The following ZNF609 variants were observed in gnomAD, a reference collection of about 807,000 sequenced individuals.
ZNF609 encodes the protein zinc finger protein 609.
A neutral mutation model predicts 109.5 loss-of-function variants in ZNF609; 11 were observed. That is an observed-to-expected ratio of 0.10 (90% CI 0.06 to 0.17). The LOEUF (loss-of-function observed/expected upper bound fraction) is 0.17. Ranked by LOEUF, ZNF609 falls within the 10% of genes least tolerant of loss-of-function variation. The pLI is 1.00. For missense variants in ZNF609, 1,559 were observed against 1,772.4 expected (o/e 0.88, Z 2.16); for synonymous variants, 646 against 662.0 (o/e 0.98, Z 0.37).
chr15:64,477,104 A>G (rs1195570229), intron 1 of ZNF609, among the ~76,000 whole-genome samples: 1 of 102,054 alleles, frequency 9.8e-6, no homozygotes, highest in African/African-American at 3.6e-5. Flanking sequence ...TTGTAAATTT[A>G]TTTGTTTATT....
intron 3 of ZNF609, among the ~76,000 whole-genome samples, chr15:64,646,735 T>A (rs902347915): frequency 6.6e-6 from 1 of 150,746 alleles, no homozygotes; most frequent in Non-Finnish European, 1.5e-5. Flanking sequence ...GGTCAGGAGT[T>A]CGAGACCAGC....
At chr15:64,633,257 C>A (rs913650852) in intron 3 of ZNF609, among the ~76,000 whole-genome samples, 1 of 152,062 alleles carries the variant, frequency 6.6e-6, no homozygotes, top group Non-Finnish European at 1.5e-5. Context: ...AAGTAATCCT[C>A]CCACCTCAAC....
At chr15:64,592,055 G>A (rs1895308223) in intron 2 of ZNF609, among the ~76,000 whole-genome samples, 1 of 151,746 alleles carries the variant, frequency 6.6e-6, no homozygotes, top group Admixed American at 6.6e-5. Context: ...CAGCTACTTG[G>A]CAGACTGAGA....
chr15:64,677,638 C>T (rs1249497474), intron 5 of ZNF609, among the ~76,000 whole-genome samples: 1 of 152,174 alleles, frequency 6.6e-6, no homozygotes, highest in Non-Finnish European at 1.5e-5. Context: ...CTTGGAATCT[C>T]ATATCTTGCT....
At chr15:64,539,257 G>C (rs1437913773) in intron 2 of ZNF609, among the ~76,000 whole-genome samples, 1 of 151,396 alleles carries the variant, frequency 6.6e-6, no homozygotes, top group Non-Finnish European at 1.5e-5. Context: ...GCCCAGGCTG[G>C]AGTGCAGTGG....
At chr15:64,464,108 A>C (rs1892978867) in intron 1 of ZNF609, among the ~76,000 whole-genome samples, 1 of 152,152 alleles carries the variant, frequency 6.6e-6, no homozygotes, top group South Asian at 2.1e-4. Context: ...TGGACAGATT[A>C]GTGCTTATTT....
chr15:64,531,047 C>T (rs1248295059), intron 2 of ZNF609, among the ~76,000 whole-genome samples: 1 of 152,112 alleles, frequency 6.6e-6, no homozygotes, highest in Non-Finnish European at 1.5e-5. Flanking sequence ...TATATCATTC[C>T]ACTTAACATA....
At chr15:64,630,048 C>T (rs1308643554) in intron 3 of ZNF609, among the ~76,000 whole-genome samples, 1 of 150,808 alleles carries the variant, frequency 6.6e-6, no homozygotes, top group Non-Finnish European at 1.5e-5. Flanking sequence ...CTTTCCTTCT[C>T]TGTTTCTCTT....
intron 2 of ZNF609, among the ~76,000 whole-genome samples, chr15:64,551,934 C>A (rs753949285): frequency 2.1e-5 from 3 of 142,350 alleles, no homozygotes; most frequent in East Asian, 3.9e-4. Flanking sequence ...TGCAGTGAGC[C>A]GAGGTCGCAC....
At chr15:64,572,494 C>T (rs1204120976) in intron 2 of ZNF609, among the ~76,000 whole-genome samples, 1 of 152,158 alleles carries the variant, frequency 6.6e-6, no homozygotes, top group Non-Finnish European at 1.5e-5. Context: ...TTTTGGTTGT[C>T]TCTCCCACAA....
At chr15:64,581,401 T>C (rs1455383433) in intron 2 of ZNF609, among the ~76,000 whole-genome samples, 1 of 152,112 alleles carries the variant, frequency 6.6e-6, no homozygotes, top group African/African-American at 2.4e-5. Flanking sequence ...CCTGTGAACA[T>C]GTCCTTCCCC....
intron 2 of ZNF609, among the ~76,000 whole-genome samples, chr15:64,528,194 T>G (rs1893998701): frequency 6.6e-6 from 1 of 151,174 alleles, no homozygotes; most frequent in South Asian, 2.1e-4. Context: ...ACCTCCTGGG[T>G]TCAAGCGATT....
intron 2 of ZNF609, among the ~76,000 whole-genome samples, chr15:64,525,839 A>G (rs1470159165): frequency 6.6e-6 from 1 of 151,468 alleles, no homozygotes; most frequent in Non-Finnish European, 1.5e-5. Context: ...GCAGGGGTAC[A>G]GTGGCACAGT....
chr15:64,469,766 C>G lies in ZNF609; in HGVS notation c.-128+8928C>G, dbSNP rs145826880. 6.2e-3 allele frequency among the ~76,000 whole-genome samples: 937 copies of G among 152,136 alleles called. 5 individuals carry two copies. Among genetic ancestry groups the G allele is most frequent in the Middle Eastern group, 0.024 (7 of 292 alleles). On this transcript the variant is annotated intron_variant, in intron 1 of 9. Transcript: ENST00000326648. ...AAGGCTGGCCTGGCTTGGTGGCTCACGCCTGTAATCCTAGCACTTTGGGAG... is the reference window on the plus strand; with the variant it reads ...AAGGCTGGCCTGGCTTGGTGGCTCAGGCCTGTAATCCTAGCACTTTGGGAG...
At chr15:64,502,738 A>G (rs1420325249) in intron 2 of ZNF609, 2 of 152,252 alleles carry the variant, frequency 1.3e-5, no homozygotes, top group African/African-American at 4.8e-5. Flanking sequence ...GCAGAGTAGC[A>G]GTGTTGACTA....
chr15:64,547,461 T>A (rs1020857373), intron 2 of ZNF609, among the ~76,000 whole-genome samples: 13 of 152,222 alleles, frequency 8.5e-5, no homozygotes, highest in Non-Finnish European at 1.8e-4. Flanking sequence ...AATAATTCTA[T>A]GTAGAATTGA....
In ZNF609 at chr15:64,602,014, T is replaced by C. The variant is rs1895504947; in HGVS notation, c.748-20813T>C. Reference sequence around the variant, plus strand: ...TCTGTTTATTTTCTATCAAAAAAGCTATCATTTACTTCAAAGGAGTGTTAT... The same window carrying C: ...TCTGTTTATTTTCTATCAAAAAAGCCATCATTTACTTCAAAGGAGTGTTAT... On this transcript the variant is annotated intron_variant, in intron 2 of 9. Transcript: ENST00000326648. Among the ~76,000 whole-genome samples, 4 of 152,278 alleles carry C rather than the reference T, an allele frequency of 2.6e-5. No homozygotes were observed. In the South Asian group the frequency reaches 8.3e-4, roughly 32 times the overall value.
At chr15:64,645,005 CTTT>C (rs1326782227) in intron 3 of ZNF609, among the ~76,000 whole-genome samples, 8 of 145,546 alleles carry the variant, frequency 5.5e-5, no homozygotes, top group South Asian at 4.3e-4. Flanking sequence ...TTCTTTCTTT[CTTT>C]CTTCCTTCCT....
At chr15:64,514,777 T>TA (rs929812063) in intron 2 of ZNF609, among the ~76,000 whole-genome samples, 36 of 152,226 alleles carry the variant, frequency 2.4e-4, no homozygotes, top group African/African-American at 8.2e-4. Flanking sequence ...TAGCTGGAAT[T>TA]ACAAGTGTGC....
Sources: gnomAD v4.1 joint callset for allele counts (sites outside exome capture counted in the v4.1 genomes callset) on GRCh38, gnomAD v4.1.1 for gene constraint, MANE v1.5 for transcripts, NCBI Gene and HGNC (gene_info 2026-07-23, HGNC 2026-07-21) for gene names.